XKR6: variants seen among roughly 807,000 people sequenced by gnomAD.
The protein encoded by XKR6 is XK related 6, also known as XK-related protein 6.
XKR6 carries 22 observed loss-of-function variants against 56.7 expected under a neutral mutation model. The observed-to-expected ratio is 0.39, with a 90% CI of 0.28 to 0.55. The LOEUF (loss-of-function observed/expected upper bound fraction) is 0.55. Among genes scored for constraint, XKR6 ranks in the 20% least tolerant of loss-of-function variants. The pLI is 0.66. For synonymous variants in XKR6, 524 were observed against 387.8 expected (o/e 1.35, Z -4.13); for missense variants, 852 against 889.0 (o/e 0.96, Z 0.53).
In XKR6 at chr8:10,978,027, G is replaced by T. The variant is rs1017623509; in HGVS notation, c.765-53197C>A. On this transcript the variant is annotated intron_variant, in intron 1 of 2. Transcript: ENST00000416569. ...TTGATTAACATTATAAACCTAGTGG[G>T]TCTGCCTTATTTAGCCTCCTTCCCA... 3.9e-5 allele frequency among the ~76,000 whole-genome samples: 6 copies of T among 151,994 alleles called. No homozygotes were observed. The South Asian group carries it at 1.3e-3, about 32-fold the overall frequency.
chr8:10,940,157 A>G (rs1801344474), intron 1 of XKR6, among the ~76,000 whole-genome samples: 1 of 152,172 alleles, frequency 6.6e-6, no homozygotes, highest in African/African-American at 2.4e-5. Flanking sequence ...CTGGACCCAC[A>G]TTAGTGAAAG....
Position 11,200,656 on chromosome 8 carries a change from C to G in XKR6, c.684G>C (p.Pro228=), listed in dbSNP as rs1467199956. The G allele has an allele frequency of 6.4e-7, 1 of 1,553,012 alleles. No individual in the cohort carries two copies. The highest frequency in any genetic ancestry group is 8.6e-7 in the Non-Finnish European group (1 of 1,160,914). Residue 228 remains proline, a synonymous_variant, in exon 1 of 3, where the codon CCG becomes CCC. Coordinates refer to ENST00000416569, the MANE Select transcript of XKR6 (RefSeq NM_173683.4). This position sits in a 1 kb window ranked among gnomAD's most constrained non-coding sequence, Gnocchi z 6.4. ...AGAGGCGACACAGGCGCTGCGCCCC[C>G]GGCGTGGGGGAGACCCTCACGCCTG... ...GGPGVRVSPT[P]GAQRLCRLSV...
rs1389103216 is a variant in XKR6 at position 11,198,670 on chromosome 8, T to G, written c.764+1906A>C. On this transcript the variant is annotated intron_variant, in intron 1 of 2. Transcript: ENST00000416569. The stretch of plus-strand genomic sequence containing the variant: ...GGTGGGATTTTATTCTACTCCAATT[T>G]CATTCTGTCTCAAAGCTTACTACTA... Among the ~76,000 whole-genome samples, 4 of 152,302 alleles carry G rather than the reference T, an allele frequency of 2.6e-5. No individual in the cohort carries two copies. In the East Asian group the frequency reaches 7.7e-4, roughly 29 times the overall value.
At chr8:11,034,245 G>A in intron 1 of XKR6, among the ~76,000 whole-genome samples, 1 of 152,312 alleles carries the variant, frequency 6.6e-6, no homozygotes, top group South Asian at 2.1e-4. Flanking sequence ...GAAATGAGAG[G>A]CTGGAGGATC....
intron 1 of XKR6, chr8:11,175,565 C>G (rs138418437): frequency 2.0e-5 from 3 of 152,314 alleles, no homozygotes; most frequent in African/African-American, 7.2e-5. Flanking sequence ...ACTTACGGCA[C>G]AGGAATAAAT....
At chr8:10,954,825 T>G (rs35083690) in intron 1 of XKR6, among the ~76,000 whole-genome samples, 27,742 of 80,718 alleles carry the variant, frequency 0.34, 3,714 homozygotes, top group African/African-American at 0.59. Flanking sequence ...TTTGACTTGT[T>G]TTTTTTTGTA....
At chr8:11,005,583 C>A (rs1254466106) in intron 1 of XKR6, among the ~76,000 whole-genome samples, 1 of 152,032 alleles carries the variant, frequency 6.6e-6, no homozygotes, top group African/African-American at 2.4e-5. Flanking sequence ...TTTATAATTT[C>A]CCACAATGAA....
chr8:11,093,825 A>T (rs1271813631), intron 1 of XKR6, among the ~76,000 whole-genome samples: 2 of 151,774 alleles, frequency 1.3e-5, no homozygotes, highest in African/African-American at 4.8e-5. Flanking sequence ...GCTCTGTCGC[A>T]CAGGCTGGAG....
At chr8:11,030,830 A>G (rs1159231422) in intron 1 of XKR6, among the ~76,000 whole-genome samples, 2 of 152,180 alleles carry the variant, frequency 1.3e-5, no homozygotes, top group Non-Finnish European at 2.9e-5. Flanking sequence ...GAAAGCCCCA[A>G]AATGAGGAGG....
At chr8:10,955,299 A>C (rs1486619275) in intron 1 of XKR6, among the ~76,000 whole-genome samples, 1 of 152,148 alleles carries the variant, frequency 6.6e-6, no homozygotes. Context: ...CAGCCTCCTG[A>C]ATAAGTGGGA....
At chr8:10,926,789 G>T (rs1286317751) in intron 1 of XKR6, among the ~76,000 whole-genome samples, 1 of 152,258 alleles carries the variant, frequency 6.6e-6, no homozygotes, top group Non-Finnish European at 1.5e-5. Context: ...TCCACTAGGT[G>T]TTGCCTTGCT....
chr8:10,901,055 C>CTTT (rs35359233), intron 2 of XKR6, among the ~76,000 whole-genome samples: 3,165 of 122,220 alleles, frequency 0.026, 140 homozygotes, highest in African/African-American at 0.074. Context: ...GTTTCTACTT[C>CTTT]TTTTTTTTTT....
rs1235891771 is a variant in XKR6, at chr8:11,021,567, C to A, written c.765-96737G>T. ...TGTCCCTTTCAAGCAGAAAACAGAC[C>A]CAGCTCAGAGAGCAGTGGCTGGGTC... On this transcript the variant is annotated intron_variant, in intron 1 of 2. Coordinates refer to ENST00000416569, the MANE Select transcript of XKR6 (RefSeq NM_173683.4). Among the ~76,000 whole-genome samples, 8 of 152,128 alleles carry A rather than the reference C, an allele frequency of 5.3e-5. No individual in the cohort carries two copies. The East Asian group carries it at 1.5e-3, about 29-fold the overall frequency.
At chr8:11,127,377 A>G in intron 1 of XKR6, among the ~76,000 whole-genome samples, 1 of 152,214 alleles carries the variant, frequency 6.6e-6, no homozygotes, top group South Asian at 2.1e-4. Context: ...TTTCAGTATT[A>G]GTTTCACTAT....
chr8:10,946,560 C>T (rs985539594), intron 1 of XKR6, among the ~76,000 whole-genome samples: 1 of 151,984 alleles, frequency 6.6e-6, no homozygotes. Context: ...TGCGGTTTTC[C>T]CTCCCCACGG....
At position 10,958,182 on chromosome 8, in the gene XKR6, T is replaced by C. The variant is rs139100415; in HGVS notation, c.765-33352A>G. ...ATCTCAAAATAGTCTTCAAATGGAC[T>C]CTGCCAGCCCTTCCATGAGATGCAA... On this transcript the variant is annotated intron_variant, in intron 1 of 2. Transcript: ENST00000416569. Among the ~76,000 whole-genome samples, 333 of 152,292 alleles carry C rather than the reference T, an allele frequency of 2.2e-3. 2 individuals carry two copies. Among genetic ancestry groups the C allele is most frequent in the Admixed American group, 9.5e-3 (146 of 15,296 alleles).
intron 2 of XKR6, among the ~76,000 whole-genome samples, chr8:10,907,001 T>C (rs1800204855): frequency 1.3e-5 from 2 of 151,180 alleles, no homozygotes; most frequent in South Asian, 4.2e-4. Flanking sequence ...TGAGCAGGGA[T>C]CACACCACTG....
chr8:11,017,849 G>A (rs944235192), intron 1 of XKR6, among the ~76,000 whole-genome samples: 1 of 152,196 alleles, frequency 6.6e-6, no homozygotes, highest in African/African-American at 2.4e-5. Context: ...TGTGGGGCTG[G>A]ATCCCCGGAT....
At chr8:11,072,512 A>G (rs1800158592) in intron 1 of XKR6, among the ~76,000 whole-genome samples, 1 of 152,272 alleles carries the variant, frequency 6.6e-6, no homozygotes. Context: ...GCTTACAGAA[A>G]GTTATGAGAC....
Sources: gnomAD v4.1 joint callset for allele counts (sites outside exome capture counted in the v4.1 genomes callset) on GRCh38, gnomAD v4.1.1 for gene constraint, Gnocchi (gnomAD v3.1) non-coding constraint, MANE v1.5 for transcripts, NCBI Gene and HGNC (gene_info 2026-07-23, HGNC 2026-07-21) for gene names.